The following NCOR2 variants were observed in gnomAD, a reference collection of about 807,000 sequenced individuals.
The protein encoded by NCOR2 is nuclear receptor corepressor 2, also known as CTG repeat protein 26.
In NCOR2, 81 loss-of-function variants were observed where a neutral mutation model predicts 262.9. That is an observed-to-expected ratio of 0.31 (90% CI 0.26 to 0.37). NCOR2 has a LOEUF of 0.37. Among genes scored for constraint, NCOR2 ranks in the 10% least tolerant of loss-of-function variants. The pLI, the probability that NCOR2 is intolerant of heterozygous loss-of-function variation, is 1.00. For synonymous variants in NCOR2, 1,659 were observed against 1,559.3 expected, an observed-to-expected ratio of 1.06 and a Z score of -1.51; for missense variants, 3,385 against 3,621.4, an observed-to-expected ratio of 0.93 and a Z score of 1.68.
chr12:124,491,408 C>T (rs772571714), intron 1 of NCOR2, among the ~76,000 whole-genome samples: 2 of 151,480 alleles, frequency 1.3e-5, no homozygotes, highest in African/African-American at 2.5e-5. Context: ...AGGCACGGGA[C>T]GGTAAGGCCA....
At chr12:124,498,070 C>T (rs1012787093), upstream of NCOR2, among the ~76,000 whole-genome samples, 6 of 152,188 alleles carry the variant, frequency 3.9e-5, no homozygotes, top group East Asian at 1.2e-3. Context: ...CCCGGTCTCT[C>T]GGAGGAGATA....
At position 124,443,389 on chromosome 12, in the gene NCOR2, G is replaced by A. The variant is rs1415479953; in HGVS notation, c.816-5393C>T. The stretch of plus-strand genomic sequence containing the variant: ...ATCCACGTACCACGCAAGAGGACAC[G>A]TCAAGTCTGCAAACACATGTCAAGT... On this transcript the variant is annotated intron_variant, in intron 7 of 46. Transcript: ENST00000405201. This position sits in a 1 kb window ranked among gnomAD's most constrained non-coding sequence, Gnocchi z 4.4. Among the ~76,000 whole-genome samples the A allele has an allele frequency of 1.3e-5, 2 of 152,238 alleles. No homozygotes were observed. Among genetic ancestry groups the A allele is most frequent in the Non-Finnish European group, 1.5e-5 (1 of 68,048 alleles).
chr12:124,460,583 A>C (rs946192421), intron 5 of NCOR2, among the ~76,000 whole-genome samples: 5 of 152,172 alleles, frequency 3.3e-5, no homozygotes, highest in Non-Finnish European at 5.9e-5. Context: ...TGCCCCCTCC[A>C]TAGAGGTGGA....
rs1188197878 is a variant in NCOR2, at chr12:124,432,589, C to A, written c.883-1802G>T. ...ACAGGAAGCTGTGCTGTACAACATG[C>A]GGGCCCGTCAGCCCTGGGGAGGGGC... On this transcript the variant is annotated intron_variant, in intron 8 of 46. Coordinates refer to ENST00000405201, the Ensembl canonical transcript of NCOR2. This position sits in a 1 kb window ranked among gnomAD's most constrained non-coding sequence, Gnocchi z 5.1. Among the ~76,000 whole-genome samples the A allele has an allele frequency of 1.3e-5, 2 of 152,306 alleles. No homozygotes were observed. Among genetic ancestry groups the A allele is most frequent in the Admixed American group, 1.3e-4 (2 of 15,302 alleles).
At chr12:124,396,977 C>T (rs146444204) in intron 16 of NCOR2, among the ~76,000 whole-genome samples, 5 of 152,332 alleles carry the variant, frequency 3.3e-5, no homozygotes, top group Non-Finnish European at 7.4e-5. Context: ...AGCAGGGCCA[C>T]GGGACCAAGC....
intron 20 of NCOR2, among the ~76,000 whole-genome samples, chr12:124,368,179 G>A (rs1032521649): frequency 6.6e-6 from 1 of 152,256 alleles, no homozygotes; most frequent in Admixed American, 6.5e-5. Context: ...CCGTGGGTGG[G>A]CGTGGGGATG....
intron 1 of NCOR2, among the ~76,000 whole-genome samples, chr12:124,529,204 A>C: frequency 2.3e-5 from 3 of 130,124 alleles, no homozygotes; most frequent in South Asian, 2.4e-4. Flanking sequence ...AAAAAAAAAC[A>C]CTCACTAATC....
At chr12:124,498,634 A>G (rs1355269220), upstream of NCOR2, among the ~76,000 whole-genome samples, 1 of 152,212 alleles carries the variant, frequency 6.6e-6, no homozygotes, top group Non-Finnish European at 1.5e-5. Flanking sequence ...TTAAACATAG[A>G]ATAACCATAT....
At chr12:124,462,519 A>G (rs1241734481) in intron 5 of NCOR2, among the ~76,000 whole-genome samples, 2 of 152,256 alleles carry the variant, frequency 1.3e-5, no homozygotes, top group Non-Finnish European at 2.9e-5. Flanking sequence ...GCGGCAGGTC[A>G]GAGGACGCGT....
In NCOR2 at chr12:124,385,742, C is replaced by T; in HGVS notation, c.2019+3G>A. 2 of 1,613,416 alleles carry T rather than the reference C, an allele frequency of 1.2e-6. No homozygotes were observed. Among genetic ancestry groups the T allele is most frequent in the Non-Finnish European group, 1.7e-6 (2 of 1,179,804 alleles). ...GCGCGGTGCAGCGTGACTGGGGGCT[C>T]ACCATCTTCAGCTTGTGCTGCTGCA... On this transcript the variant is annotated splice_donor_region_variant and intron_variant, in intron 17 of 46. Coordinates refer to ENST00000405201, the Ensembl canonical transcript of NCOR2.
At chr12:124,438,089 T>G in intron 7 of NCOR2, 93 bp from the exon 10 acceptor site, 3 of 1,265,964 alleles carry the variant, frequency 2.4e-6, no homozygotes, top group Non-Finnish European at 3.3e-6. Flanking sequence ...AGCCCCAAAT[T>G]TGCCCCGTTA....
chr12:124,380,221 G>A (rs1000252106), intron 17 of NCOR2, among the ~76,000 whole-genome samples: 18 of 152,346 alleles, frequency 1.2e-4, no homozygotes, highest in African/African-American at 4.1e-4. Flanking sequence ...CTGGAGCTGG[G>A]CCTCATGGAG....
chr12:124,334,480 C>A, exon 41 of NCOR2: 1 of 1,463,338 alleles, frequency 6.8e-7, no homozygotes. Context: ...GGTCCGGGGG[C>A]GGGAGGTAGA....
At chr12:124,436,353 G>A (rs2044336772) in intron 8 of NCOR2, among the ~76,000 whole-genome samples, 1 of 152,136 alleles carries the variant, frequency 6.6e-6, no homozygotes, top group Non-Finnish European at 1.5e-5. Context: ...GAGGGAGAGA[G>A]GAGGTGGGGC....
chr12:124,444,569 C>T (rs2045027404), intron 7 of NCOR2, among the ~76,000 whole-genome samples: 1 of 151,920 alleles, frequency 6.6e-6, no homozygotes. Flanking sequence ...CAGAGGAATG[C>T]GGTGGGAAGA....
At chr12:124,497,081 C>A (rs2048419205), upstream of NCOR2, among the ~76,000 whole-genome samples, 2 of 152,208 alleles carry the variant, frequency 1.3e-5, no homozygotes, top group Admixed American at 1.3e-4. The surrounding 1 kb of genome is among the most constrained non-coding windows in gnomAD (Gnocchi z 4.2). Context: ...GGAGCCAGGG[C>A]ACTCCTTCTG....
intron 1 of NCOR2, among the ~76,000 whole-genome samples, chr12:124,510,187 G>A (rs1377084408): frequency 2.0e-5 from 3 of 152,100 alleles, no homozygotes; most frequent in Admixed American, 6.5e-5. Context: ...AGCAGGTGGC[G>A]ACCCCAAGCC....
At chr12:124,426,103 C>G (rs2043529984) in intron 11 of NCOR2, among the ~76,000 whole-genome samples, 1 of 152,234 alleles carries the variant, frequency 6.6e-6, no homozygotes. Flanking sequence ...TCGCAGTGCC[C>G]CGTCTTACAT....
exon 47 of NCOR2, chr12:124,325,484 A>T: frequency 7.4e-7 from 1 of 1,343,524 alleles, no homozygotes; most frequent in Non-Finnish European, 9.6e-7. Context: ...GGGGCCAGCG[A>T]GGGGCCCGCT....
Sources: gnomAD v4.1 joint callset for allele counts (sites outside exome capture counted in the v4.1 genomes callset) on GRCh38, gnomAD v4.1.1 for gene constraint, Gnocchi (gnomAD v3.1) non-coding constraint, MANE v1.5 for transcripts, NCBI Gene and HGNC (gene_info 2026-07-23, HGNC 2026-07-21) for gene names.